The following RGPD8 variants were observed in gnomAD, a reference collection of about 807,000 sequenced individuals.
RGPD8 encodes the protein RANBP2-like and GRIP domain-containing protein 8.
A neutral mutation model predicts 89.1 loss-of-function variants in RGPD8; 15 were observed. The ratio of observed to expected loss-of-function variants is 0.17; its 90% CI spans 0.11 to 0.26. The LOEUF is 0.26. Among genes scored for constraint, RGPD8 ranks in the 10% least tolerant of loss-of-function variants. RGPD8 has a pLI of 1.00. For missense variants in RGPD8, 178 were observed against 1,179.6 expected (o/e 0.15, Z 12.44); for synonymous variants, 62 against 420.9 (o/e 0.15, Z 10.44).
chr2:112,429,278 GA>G (rs1011622056), intron 1 of RGPD8, among the ~76,000 whole-genome samples: 3 of 151,566 alleles, frequency 2.0e-5, no homozygotes, highest in African/African-American at 7.3e-5. Flanking sequence ...AAAATTAGCC[GA>G]GTGTTGTGGC....
In RGPD8 at chr2:112,424,736, ACAT is replaced by A. The variant is rs578192808; in HGVS notation, c.73-432_73-430del. Among the ~76,000 whole-genome samples, 412 of 123,316 alleles carry A rather than the reference ACAT, an allele frequency of 3.3e-3. 2 individuals are homozygous for A. Among genetic ancestry groups the A allele is most frequent in the South Asian group, 1.0e-2 (38 of 3,814 alleles). The allele number at this position is 123,316 out of a possible 152,430, so 80.9% of individuals were successfully genotyped here. A position where few individuals can be genotyped will look rare whatever the true frequency, so the allele number is the denominator to read the frequency against. On this transcript the variant is annotated intron_variant, in intron 1 of 22. Coordinates refer to ENST00000302558, the MANE Select transcript of RGPD8 (RefSeq NM_001164463.1). ...GGGCGACAGAGACTCCATCTCCCAA[ACAT>A]CATCATCATCATCATCATCATCATC... is the stretch of plus-strand genomic sequence containing the variant.
At chr2:112,415,201 G>T (rs1188183975) in intron 6 of RGPD8, among the ~76,000 whole-genome samples, 1 of 151,972 alleles carries the variant, frequency 6.6e-6, no homozygotes, top group Non-Finnish European at 1.5e-5. Context: ...GGCTAACACG[G>T]TGACACTCCG....
intron 2 of RGPD8, among the ~76,000 whole-genome samples, chr2:112,423,921 G>T (rs1283885347): frequency 6.6e-6 from 1 of 152,198 alleles, no homozygotes; most frequent in Non-Finnish European, 1.5e-5. Flanking sequence ...TAAGGTATCA[G>T]ATATCTAACC....
intron 6 of RGPD8, 135 bp downstream of exon 6, chr2:112,417,058 G>A (rs1373816789): frequency 1.4e-5 from 22 of 1,570,310 alleles, no homozygotes; most frequent in African/African-American, 1.0e-4. Flanking sequence ...GCCTCCTAGC[G>A]GTTCACTGTA....
At chr2:112,422,511 G>A in intron 3 of RGPD8, 37 bp downstream of exon 3, 3 of 1,605,176 alleles carry the variant, frequency 1.9e-6, no homozygotes, top group Non-Finnish European at 1.7e-6. Context: ...TCATGTGTTT[G>A]GCTATGCAAA....
At chr2:112,432,646 A>T in intron 1 of RGPD8, 1 of 985,160 alleles carries the variant, frequency 1.0e-6, no homozygotes, top group Non-Finnish European at 1.2e-6. Flanking sequence ...TGTCCAGGAC[A>T]TGGGAAGAAA....
intron 1 of RGPD8, among the ~76,000 whole-genome samples, chr2:112,430,404 T>A (rs1475472009): frequency 1.3e-5 from 2 of 152,180 alleles, no homozygotes; most frequent in Non-Finnish European, 2.9e-5. Flanking sequence ...TTAATCCATA[T>A]TCCGCTGAAA....
intron 1 of RGPD8, chr2:112,432,609 G>T (rs1441016692): frequency 1.0e-6 from 1 of 985,118 alleles, no homozygotes; most frequent in Non-Finnish European, 1.2e-6. Context: ...AAGGAGGTAC[G>T]ACCTCCGCCG....
chr2:112,370,332 C>G (rs1677916682), intron 22 of RGPD8, 120 bp from the exon 23 acceptor site: 1 of 373,098 alleles, frequency 2.7e-6, no homozygotes, highest in Non-Finnish European at 3.9e-6. Flanking sequence ...TTTTACTGAT[C>G]ACATGCCTTT....
intron 1 of RGPD8, 131 bp from the exon 2 acceptor site, chr2:112,424,438 A>C: frequency 3.8e-6 from 4 of 1,062,994 alleles, no homozygotes; most frequent in Non-Finnish European, 1.3e-6. Flanking sequence ...CAAAAAATAG[A>C]GCTGGGTGCA....
chr2:112,416,027 T>G (rs1574016038), intron 6 of RGPD8, among the ~76,000 whole-genome samples: 1 of 146,072 alleles, frequency 6.8e-6, no homozygotes, highest in South Asian at 2.1e-4. Flanking sequence ...GAGGCGGAGG[T>G]TACAGTGAGC....
intron 20 of RGPD8, among the ~76,000 whole-genome samples, chr2:112,382,244 GCATCCATCCATCCATCCCATCCATC>G (rs1419262691): frequency 6.6e-6 from 1 of 152,264 alleles, no homozygotes; most frequent in Non-Finnish European, 1.5e-5. Context: ...TACTTAATAA[GCATCCATCCATCCATCCCATCCATC>G]CATCCAACCA....
At chr2:112,415,314 G>A (rs1226241324) in intron 6 of RGPD8, among the ~76,000 whole-genome samples, 5 of 152,224 alleles carry the variant, frequency 3.3e-5, no homozygotes, top group Non-Finnish European at 7.3e-5. Context: ...GAACCTGGGA[G>A]GTTCACAAGG....
chr2:112,427,441 T>C (rs1679818819), intron 1 of RGPD8, among the ~76,000 whole-genome samples: 2 of 152,284 alleles, frequency 1.3e-5, no homozygotes, highest in South Asian at 2.1e-4. Context: ...AGTACTTCTT[T>C]ACATGACAGC....
At chr2:112,376,572 T>C (rs1191014056) in intron 22 of RGPD8, among the ~76,000 whole-genome samples, 1 of 133,626 alleles carries the variant, frequency 7.5e-6, no homozygotes, top group Non-Finnish European at 1.6e-5. Flanking sequence ...TCCCAGCACT[T>C]TGGGAGGCCA....
chr2:112,390,118 C>G lies in RGPD8; in HGVS notation c.2827G>C (p.Asp943His), dbSNP rs754313937. The part of the protein sequence containing the change: ...EKKREKPLEN[D>H]TGLQAQDIRG... ...ATATCCTGAGCCTGTAAGCCAGTAT[C>G]ATTTTCAAGAGGCTTTTCCCTTTTC... The change falls in exon 20 of 23, where the codon GAT (aspartate) becomes CAT (histidine). Residue 943 changes from aspartate to histidine, a missense_variant. Transcript: ENST00000302558. 26 of 1,604,112 alleles carry G rather than the reference C, an allele frequency of 1.6e-5. No homozygotes were observed. The East Asian group carries it at 5.6e-4, about 34-fold the overall frequency.
rs3969579 is a variant in RGPD8, at chr2:112,429,428, A to G, written c.72+3954T>C. Among the ~76,000 whole-genome samples, 3 of 150,176 alleles carry G rather than the reference A, an allele frequency of 2.0e-5. No individual in the cohort carries two copies. In the South Asian group the frequency reaches 6.3e-4, roughly 31 times the overall value. On this transcript the variant is annotated intron_variant, in intron 1 of 22. Coordinates refer to ENST00000302558, the MANE Select transcript of RGPD8 (RefSeq NM_001164463.1). ...CAGACTCCGTCTCAAAAAAAAAAAA[A>G]AAAAAAAAAGAAAAGAAAAGAAAAT...
intron 21 of RGPD8, among the ~76,000 whole-genome samples, chr2:112,379,602 AAAC>A (rs1678212461): frequency 8.4e-6 from 1 of 118,392 alleles, no homozygotes; most frequent in Non-Finnish European, 1.9e-5. Context: ...CAAAAAAAAA[AAAC>A]AAGAAAATAT....
intron 7 of RGPD8, among the ~76,000 whole-genome samples, chr2:112,411,263 T>TAAAAAA (rs544543428): frequency 1.2e-5 from 1 of 83,098 alleles, no homozygotes; most frequent in Non-Finnish European, 2.3e-5. Context: ...GCAAGCTCAT[T>TAAAAAA]AAAAAAAAAA....
Sources: allele counts gnomAD v4.1 joint callset (sites outside exome capture counted in the v4.1 genomes callset), GRCh38; gene constraint gnomAD v4.1.1; transcripts MANE v1.5; gene names NCBI Gene and HGNC (gene_info 2026-07-23, HGNC 2026-07-21).